CSMD2: variants seen among roughly 807,000 people sequenced by gnomAD.
CSMD2 encodes the protein CUB and sushi domain-containing protein 2.
A neutral mutation model predicts 398.5 loss-of-function variants in CSMD2; 130 were observed. That is an observed-to-expected ratio of 0.33 (90% CI 0.28 to 0.38). The LOEUF (loss-of-function observed/expected upper bound fraction) is 0.38, where lower values mean the gene tolerates loss of function less well. Ranked by LOEUF, CSMD2 falls within the 10% of genes least tolerant of loss-of-function variation. The pLI is 1.00. For synonymous variants in CSMD2, 1,828 were observed against 1,908.5 expected, an observed-to-expected ratio of 0.96 and a Z score of 1.10; for missense variants, 3,829 against 4,764.9, an observed-to-expected ratio of 0.80 and a Z score of 5.78.
rs1039458140 is a variant in CSMD2 at position 33,934,978 on chromosome 1, C to T, written c.712+782G>A. 3.2e-5 allele frequency among the ~76,000 whole-genome samples: 4 copies of T among 125,934 alleles called. 1 individual carries two copies. Among genetic ancestry groups the T allele is most frequent in the African/African-American group, 1.3e-4 (4 of 31,924 alleles). The allele number at this position is 125,934 out of a possible 152,430, so 82.6% of individuals were successfully genotyped here. ...ATGATTACGTCACTGCACTCCAGCACGGAGGACAGAGGAAGATCCTGTCTC... is the reference window on the plus strand; with the variant it reads ...ATGATTACGTCACTGCACTCCAGCATGGAGGACAGAGGAAGATCCTGTCTC... On this transcript the variant is annotated intron_variant, in intron 4 of 70. Coordinates refer to ENST00000373381, the MANE Select transcript of CSMD2 (RefSeq NM_001281956.2).
chr1:33,955,322 G>A (rs976445169), intron 3 of CSMD2, among the ~76,000 whole-genome samples: 4 of 152,176 alleles, frequency 2.6e-5, no homozygotes, highest in Admixed American at 6.5e-5. Context: ...AAGCAAACGC[G>A]GTGTCAGCTT....
chr1:33,634,416 C>T (rs1642670798), intron 31 of CSMD2, among the ~76,000 whole-genome samples: 1 of 152,234 alleles, frequency 6.6e-6, no homozygotes, highest in African/African-American at 2.4e-5. Flanking sequence ...CTGCAGGCTG[C>T]TCCCTCCGTC....
chr1:34,017,861 C>T (rs1648344276), intron 3 of CSMD2, among the ~76,000 whole-genome samples: 1 of 152,200 alleles, frequency 6.6e-6, no homozygotes, highest in African/African-American at 2.4e-5. Context: ...ATTAATAGAG[C>T]CATGTGACAT....
intron 1 of CSMD2, among the ~76,000 whole-genome samples, chr1:34,130,526 G>C (rs542058416): frequency 6.6e-6 from 1 of 151,932 alleles, no homozygotes. Context: ...AGATCAAATC[G>C]GGATGGTTTC....
intron 4 of CSMD2, among the ~76,000 whole-genome samples, chr1:33,927,765 C>T (rs1320738331): frequency 6.6e-6 from 1 of 152,198 alleles, no homozygotes; most frequent in Non-Finnish European, 1.5e-5. Flanking sequence ...GAGACGCTTC[C>T]TCCTGCTCCC....
intron 2 of CSMD2, among the ~76,000 whole-genome samples, chr1:34,067,701 A>G (rs1309824259): frequency 3.9e-5 from 6 of 152,216 alleles, no homozygotes; most frequent in Admixed American, 3.9e-4. Flanking sequence ...CAGTTTGTCA[A>G]CCTTTTAAAA....
intron 17 of CSMD2, 140 bp downstream of exon 17, chr1:33,725,209 G>A (rs1249460008): frequency 1.5e-6 from 1 of 673,752 alleles, no homozygotes; most frequent in Non-Finnish European, 2.6e-6. Context: ...CTTCCCCAGG[G>A]CCTTCTGAAG....
chr1:33,726,743 A>G, intron 15 of CSMD2, 58 bp from the exon 16 acceptor site: 1 of 1,527,976 alleles, frequency 6.5e-7, no homozygotes, highest in Non-Finnish European at 8.8e-7. Context: ...GTAAACAAAC[A>G]GAAAATCTCT....
At chr1:34,165,734 T>C, upstream of CSMD2, 1 of 1,613,458 alleles carries the variant, frequency 6.2e-7, no homozygotes, top group Non-Finnish European at 8.5e-7. Flanking sequence ...GTTCCCCAAG[T>C]CTTGGCTCTT....
At chr1:33,560,841 C>G (rs1557537638) in intron 53 of CSMD2, among the ~76,000 whole-genome samples, 2 of 152,232 alleles carry the variant, frequency 1.3e-5, no homozygotes, top group African/African-American at 2.4e-5. Context: ...GCCTGACATT[C>G]AGCAGGAGTG....
chr1:33,541,042 C>T, intron 59 of CSMD2, 88 bp downstream of exon 59: 3 of 1,371,604 alleles, frequency 2.2e-6, no homozygotes, highest in Admixed American at 1.9e-5. Flanking sequence ...CCTTTCACCC[C>T]TCTCCCTTCT....
chr1:33,592,021 G>T, intron 44 of CSMD2: 1 of 228,060 alleles, frequency 4.4e-6, no homozygotes, highest in South Asian at 6.3e-5. Flanking sequence ...CCCAGAAGTA[G>T]GATTGCTGGG....
intron 1 of CSMD2, among the ~76,000 whole-genome samples, chr1:34,097,995 A>G (rs1659536229): frequency 8.2e-6 from 1 of 121,540 alleles, no homozygotes; most frequent in African/African-American, 3.3e-5. Context: ...TCACAATAGC[A>G]AAGACTTGGA....
chr1:33,540,829 G>C (rs911781878), intron 59 of CSMD2, 131 bp from the exon 60 acceptor site: 1 of 1,004,776 alleles, frequency 1.0e-6, no homozygotes, highest in Non-Finnish European at 1.5e-6. Context: ...CCAGAATGGG[G>C]CCCTCTTACT....
intron 36 of CSMD2, 37 bp from the exon 37 acceptor site, chr1:33,622,308 G>C: frequency 4.1e-6 from 6 of 1,463,024 alleles, no homozygotes; most frequent in Non-Finnish European, 5.8e-6. Context: ...ATTTAAGTTT[G>C]GCTCCTCCAG....
intron 25 of CSMD2, among the ~76,000 whole-genome samples, chr1:33,687,480 A>G (rs1645096024): frequency 6.6e-6 from 1 of 152,216 alleles, no homozygotes. Context: ...CTGGCAAAAT[A>G]AAAACAGGAT....
chr1:33,547,700 C>T lies in CSMD2; in HGVS notation c.8918-1481G>A, dbSNP rs140086320. 3.3e-5 allele frequency among the ~76,000 whole-genome samples: 5 copies of T among 152,320 alleles called. No individual in the cohort carries two copies. The East Asian group carries it at 7.7e-4, about 23-fold the overall frequency. On this transcript the variant is annotated intron_variant, in intron 56 of 70. Transcript: ENST00000373381. ...TAAACATTAATAAAAGAGAGCTTAT[C>T]GCATTTGGCTAGGTTTTCTTATCTT...
At chr1:33,907,988 G>A (rs373399985) in intron 5 of CSMD2, among the ~76,000 whole-genome samples, 3 of 148,996 alleles carry the variant, frequency 2.0e-5, no homozygotes, top group South Asian at 2.1e-4. Context: ...TCGGGAGGCC[G>A]AGACAAGAGA....
chr1:33,542,306 G>A (rs1570672436), intron 58 of CSMD2, among the ~76,000 whole-genome samples: 1 of 152,210 alleles, frequency 6.6e-6, no homozygotes, highest in East Asian at 1.9e-4. Flanking sequence ...AAAGATGGCA[G>A]ATAGCTGCAT....
Sources: gnomAD v4.1 joint callset for allele counts (sites outside exome capture counted in the v4.1 genomes callset) on GRCh38, gnomAD v4.1.1 for gene constraint, MANE v1.5 for transcripts, NCBI Gene and HGNC (gene_info 2026-07-23, HGNC 2026-07-21) for gene names.